The following PCDH9 variants were observed in gnomAD, a reference collection of about 807,000 sequenced individuals.
The protein encoded by PCDH9 is protocadherin-9.
A neutral mutation model predicts 70.6 loss-of-function variants in PCDH9; 24 were observed. That is an observed-to-expected ratio of 0.34 (90% confidence interval 0.25 to 0.48). The LOEUF is 0.48. PCDH9 is among the 20% of genes least tolerant of loss of function. The pLI, the probability that PCDH9 is intolerant of heterozygous loss-of-function variation, is 0.99. For missense variants in PCDH9, 1,281 were observed against 1,503.6 expected, an observed-to-expected ratio of 0.85 and a Z score of 2.45; for synonymous variants, 562 against 558.5, an observed-to-expected ratio of 1.01 and a Z score of -0.09.
intron 4 of PCDH9, among the ~76,000 whole-genome samples, chr13:66,466,875 C>T (rs1958523033): frequency 6.6e-6 from 1 of 151,962 alleles, no homozygotes; most frequent in Non-Finnish European, 1.5e-5. Context: ...CTAAGAAGTA[C>T]ACCATATGGA....
chr13:66,795,487 C>T (rs1207765048), intron 3 of PCDH9, among the ~76,000 whole-genome samples: 2 of 152,034 alleles, frequency 1.3e-5, no homozygotes, highest in Non-Finnish European at 2.9e-5. Context: ...CGATATATGA[C>T]TGGGGGAAAA....
chr13:66,381,235 T>C (rs1956843430), intron 4 of PCDH9, among the ~76,000 whole-genome samples: 1 of 152,206 alleles, frequency 6.6e-6, no homozygotes, highest in Admixed American at 6.5e-5. Context: ...AATTACATCT[T>C]ATAAAGAGTT....
rs534778088 is a variant in PCDH9 at position 66,602,492 on chromosome 13, A to G, written c.3340+28718T>C. Reference sequence around the variant, plus strand: ...CTTGTGTCTTAGTTTTTAACAAACAAATTAAAAAAAAACAACAACAGAAAA... The same window carrying G: ...CTTGTGTCTTAGTTTTTAACAAACAGATTAAAAAAAAACAACAACAGAAAA... On this transcript the variant is annotated intron_variant, in intron 4 of 4. Transcript: ENST00000377865. Among the ~76,000 whole-genome samples the G allele has an allele frequency of 7.5e-4, 110 of 145,974 alleles. 5 individuals are homozygous for G. Among genetic ancestry groups the G allele is most frequent in the African/African-American group, 2.5e-3 (101 of 40,590 alleles).
At chr13:66,940,761 T>TAA (rs57237055) in intron 2 of PCDH9, among the ~76,000 whole-genome samples, 1 of 151,812 alleles carries the variant, frequency 6.6e-6, no homozygotes, top group Non-Finnish European at 1.5e-5. Context: ...CTTAAAGAAG[T>TAA]AAAAATGTCA....
At chr13:66,677,490 G>A (rs890413310) in intron 3 of PCDH9, among the ~76,000 whole-genome samples, 2 of 152,042 alleles carry the variant, frequency 1.3e-5, no homozygotes, top group Admixed American at 6.6e-5. Flanking sequence ...CCCAAGGCTC[G>A]AGGTAGAGCC....
intron 2 of PCDH9, chr13:67,222,137 T>C (rs1176073793): frequency 1.3e-5 from 2 of 152,144 alleles, no homozygotes; most frequent in East Asian, 3.9e-4. Flanking sequence ...CAAGACCATT[T>C]TTCTTTTAGG....
chr13:66,486,996 T>C (rs1958954591), intron 4 of PCDH9, among the ~76,000 whole-genome samples: 1 of 152,188 alleles, frequency 6.6e-6, no homozygotes, highest in African/African-American at 2.4e-5. Flanking sequence ...TATACATAAT[T>C]TTTTTTCACA....
intron 2 of PCDH9, among the ~76,000 whole-genome samples, chr13:67,042,558 A>G (rs1219028924): frequency 6.6e-6 from 1 of 152,228 alleles, no homozygotes; most frequent in Non-Finnish European, 1.5e-5. Context: ...GACAATTGCA[A>G]ACAAAAGCAG....
chr13:66,518,575 G>A (rs1485902445), intron 4 of PCDH9, among the ~76,000 whole-genome samples: 1 of 152,098 alleles, frequency 6.6e-6, no homozygotes, highest in African/African-American at 2.4e-5. Context: ...GGGCTGATAA[G>A]CAAGGATTAA....
chr13:67,164,112 A>T (rs1208292960), intron 2 of PCDH9, among the ~76,000 whole-genome samples: 1 of 152,196 alleles, frequency 6.6e-6, no homozygotes, highest in Non-Finnish European at 1.5e-5. Flanking sequence ...CCTTCACATA[A>T]TGCAATCATA....
chr13:67,218,603 G>A (rs1488231039), intron 2 of PCDH9: 1 of 151,992 alleles, frequency 6.6e-6, no homozygotes, highest in African/African-American at 2.4e-5. Context: ...ACAAACTATA[G>A]AAGAATGTTA....
chr13:66,432,573 ATGTACCAGGC>A (rs1340518197), intron 4 of PCDH9, among the ~76,000 whole-genome samples: 1 of 151,962 alleles, frequency 6.6e-6, no homozygotes, highest in Non-Finnish European at 1.5e-5. Flanking sequence ...GCATCTATTT[ATGTACCAGGC>A]TGTAGCAGAA....
At chr13:66,419,661 G>T (rs1957527063) in intron 4 of PCDH9, among the ~76,000 whole-genome samples, 1 of 152,036 alleles carries the variant, frequency 6.6e-6, no homozygotes. Flanking sequence ...GCAACCCATA[G>T]ACCAGGAGAT....
At chr13:67,185,715 C>T (rs2987325) in intron 2 of PCDH9, among the ~76,000 whole-genome samples, 135,292 of 152,236 alleles carry the variant, frequency 0.89, 60,928 homozygotes, top group Non-Finnish European at 0.96. Context: ...AATAGTTAAA[C>T]GTATGGAAGA....
At chr13:67,121,451 G>A (rs553130217) in intron 2 of PCDH9, among the ~76,000 whole-genome samples, 2 of 152,280 alleles carry the variant, frequency 1.3e-5, no homozygotes, top group South Asian at 4.1e-4. Flanking sequence ...CTGGAGCAAT[G>A]TTAACTTTTA....
chr13:66,561,115 G>A (rs1171940143), intron 4 of PCDH9, among the ~76,000 whole-genome samples: 1 of 152,224 alleles, frequency 6.6e-6, no homozygotes, highest in African/African-American at 2.4e-5. Flanking sequence ...GTGAGCCAGC[G>A]CGAGTTCCGG....
intron 3 of PCDH9, among the ~76,000 whole-genome samples, chr13:66,845,615 C>T (rs1317052528): frequency 6.6e-6 from 1 of 152,170 alleles, no homozygotes. Context: ...ACAGCGCTAG[C>T]TTGGGCAGCA....
chr13:66,572,396 C>T (rs1045744506), intron 4 of PCDH9, among the ~76,000 whole-genome samples: 2 of 152,128 alleles, frequency 1.3e-5, no homozygotes, highest in African/African-American at 2.4e-5. Context: ...TTGCCAGCCA[C>T]CACTCTACTC....
intron 3 of PCDH9, among the ~76,000 whole-genome samples, chr13:66,756,807 T>A (rs1049525821): frequency 6.6e-6 from 1 of 152,128 alleles, no homozygotes; most frequent in Non-Finnish European, 1.5e-5. Flanking sequence ...TCCCTGTAGT[T>A]AAATGTTGTC....
Sources: gnomAD v4.1 joint callset for allele counts (sites outside exome capture counted in the v4.1 genomes callset) on GRCh38, gnomAD v4.1.1 for gene constraint, MANE v1.5 for transcripts, NCBI Gene and HGNC (gene_info 2026-07-23, HGNC 2026-07-21) for gene names.